Variants in ESR1 observed in about 807,000 individuals in gnomAD.
ESR1 encodes the protein estrogen receptor.
A neutral mutation model predicts 52.7 loss-of-function variants in ESR1; 12 were observed. The observed-to-expected ratio is 0.23, with a 90% CI of 0.15 to 0.37. ESR1 has a LOEUF of 0.37. Ranked by LOEUF, ESR1 falls within the 10% of genes least tolerant of loss-of-function variation. ESR1 has a pLI of 1.00. For missense variants in ESR1, 584 were observed against 779.7 expected (o/e 0.75, Z 2.99); for synonymous variants, 305 against 316.8 (o/e 0.96, Z 0.39).
chr6:152,060,935 A>G, intron 5 of ESR1, 56 bp from the exon 6 acceptor site: 1 of 1,423,240 alleles, frequency 7.0e-7, no homozygotes, highest in Non-Finnish European at 9.6e-7. Context: ...CTTGTGGAAG[A>G]TTTTCTGTTT....
chr6:151,683,482 T>C (rs930505927), intron 1 of ESR1, among the ~76,000 whole-genome samples: 1 of 150,096 alleles, frequency 6.7e-6, no homozygotes, highest in African/African-American at 2.5e-5. Context: ...AAAGCACATA[T>C]ATTCACCAGG....
chr6:151,734,863 C>A (rs771354746), intron 2 of ESR1, among the ~76,000 whole-genome samples: 113 of 152,178 alleles, frequency 7.4e-4, no homozygotes, highest in Non-Finnish European at 1.3e-3. Context: ...CTCAAGGAAT[C>A]TGCCTGCCTC....
chr6:151,801,051 G>GTGTGT (rs1554258203), upstream of ESR1, among the ~76,000 whole-genome samples: 1 of 147,612 alleles, frequency 6.8e-6, no homozygotes, highest in South Asian at 2.2e-4. Flanking sequence ...TTGATTATGT[G>GTGTGT]GTGTGTGTGT....
chr6:152,096,570 A>G (rs991862204), intron 7 of ESR1: 22 of 450,308 alleles, frequency 4.9e-5, no homozygotes, highest in African/African-American at 3.8e-4. Context: ...GAATGAATGG[A>G]TGAACAAATG....
rs144292437 is a variant in ESR1 at position 151,893,304 on chromosome 6, G to A, written c.760+12533G>A. Among the ~76,000 whole-genome samples the A allele has an allele frequency of 5.6e-3, 856 of 152,180 alleles. 8 individuals carry two copies. The highest frequency in any genetic ancestry group is 0.019 in the African/African-American group (793 of 41,534). On this transcript the variant is annotated intron_variant, in intron 3 of 7. Transcript: ENST00000206249. ...GTGGAGGTTACAGTGAGTTAAGATG[G>A]CACCATTGCACTCCAGCCTGGGTAA...
upstream of ESR1, among the ~76,000 whole-genome samples, chr6:151,800,837 G>A (rs909715958): frequency 6.6e-6 from 1 of 152,168 alleles, no homozygotes; most frequent in Non-Finnish European, 1.5e-5. Context: ...TTGTCATTGA[G>A]CAGGTTGGGA....
At chr6:151,669,846 A>G (rs1777985920) in intron 1 of ESR1, among the ~76,000 whole-genome samples, 1 of 152,182 alleles carries the variant, frequency 6.6e-6, no homozygotes, top group Non-Finnish European at 1.5e-5. Flanking sequence ...GGTTTTTCTT[A>G]TAATGGATGA....
At chr6:151,795,705 CAT>C (rs926021096) in intron 2 of ESR1, among the ~76,000 whole-genome samples, 45 of 152,244 alleles carry the variant, frequency 3.0e-4, no homozygotes, top group African/African-American at 5.8e-4. Context: ...CATATTTACT[CAT>C]GTGCAAATTG....
In ESR1 at chr6:151,818,047, C is replaced by T. The variant is rs368746425; in HGVS notation, c.452+9683C>T. Reference sequence around the variant, plus strand: ...AGCTCTCCTCGTGTCCTCCCTCTGACGTATTTGCAAAATCCTTTCCACAAA... The same window carrying T: ...AGCTCTCCTCGTGTCCTCCCTCTGATGTATTTGCAAAATCCTTTCCACAAA... On this transcript the variant is annotated intron_variant, in intron 1 of 7. Coordinates refer to ENST00000206249, the MANE Select transcript of ESR1 (RefSeq NM_000125.4). Among the ~76,000 whole-genome samples the T allele has an allele frequency of 2.0e-4, 30 of 152,282 alleles. No individual in the cohort carries two copies. In the South Asian group the frequency reaches 4.6e-3, roughly 23 times the overall value.
intron 1 of ESR1, among the ~76,000 whole-genome samples, chr6:151,830,422 T>C (rs1782210746): frequency 6.6e-6 from 1 of 152,170 alleles, no homozygotes; most frequent in South Asian, 2.1e-4. Context: ...AGTTATTGTC[T>C]CCCAATACGG....
At chr6:151,986,168 C>T (rs540659824) in intron 4 of ESR1, among the ~76,000 whole-genome samples, 73 of 152,100 alleles carry the variant, frequency 4.8e-4, no homozygotes, top group African/African-American at 1.6e-3. Flanking sequence ...ATCTTCATAA[C>T]GGGGCCAGGA....
chr6:151,840,995 T>C (rs1279817715), intron 1 of ESR1, among the ~76,000 whole-genome samples: 3 of 152,196 alleles, frequency 2.0e-5, no homozygotes, highest in Admixed American at 6.6e-5. Flanking sequence ...CTATGTCTGG[T>C]CTGGCGAGAG....
chr6:151,909,492 A>T (rs981489619), intron 3 of ESR1, among the ~76,000 whole-genome samples: 2 of 152,268 alleles, frequency 1.3e-5, no homozygotes, highest in Non-Finnish European at 2.9e-5. Context: ...CATGTAGCAA[A>T]GAATGAGCTT....
At chr6:151,705,877 G>C (rs9383591) in intron 2 of ESR1, among the ~76,000 whole-genome samples, 6,105 of 152,244 alleles carry the variant, frequency 0.04, 543 homozygotes, top group East Asian at 0.35. Flanking sequence ...ATGGTAGATT[G>C]AGTCTAAAAG....
At chr6:152,091,463 A>G (rs2050172070) in intron 6 of ESR1, among the ~76,000 whole-genome samples, 1 of 152,202 alleles carries the variant, frequency 6.6e-6, no homozygotes, top group South Asian at 2.1e-4. Context: ...TGTTAAGAAC[A>G]TTCTCTCTCT....
At chr6:151,821,791 G>T (rs909705928) in intron 1 of ESR1, among the ~76,000 whole-genome samples, 5 of 152,162 alleles carry the variant, frequency 3.3e-5, no homozygotes, top group African/African-American at 1.2e-4. Flanking sequence ...TGAAAAACAT[G>T]TGTCTTCTCT....
At chr6:151,667,112 T>C (rs775618231) in intron 1 of ESR1, among the ~76,000 whole-genome samples, 10 of 152,192 alleles carry the variant, frequency 6.6e-5, no homozygotes, top group African/African-American at 9.7e-5. Context: ...CCAGATCTCA[T>C]TGGATAACTA....
At chr6:152,089,497 A>G (rs2050007124) in intron 6 of ESR1, among the ~76,000 whole-genome samples, 1 of 152,272 alleles carries the variant, frequency 6.6e-6, no homozygotes, top group South Asian at 2.1e-4. Context: ...TGGAGAAAAT[A>G]TATTCCATTT....
chr6:151,926,507 A>T (rs1205482358), intron 3 of ESR1, among the ~76,000 whole-genome samples: 1 of 152,086 alleles, frequency 6.6e-6, no homozygotes, highest in Non-Finnish European at 1.5e-5. Context: ...TTATCTCTTC[A>T]TCATTTTAAG....
Sources: allele counts gnomAD v4.1 joint callset (sites outside exome capture counted in the v4.1 genomes callset), GRCh38; gene constraint gnomAD v4.1.1; transcripts MANE v1.5; gene names NCBI Gene and HGNC (gene_info 2026-07-23, HGNC 2026-07-21).